LAT: variants seen among roughly 807,000 people sequenced by gnomAD.
LAT encodes the protein linker for activation of T-cells family member 1.
Under a neutral mutation model 39.1 loss-of-function variants are expected in LAT, and 12 were observed. The ratio of observed to expected loss-of-function variants is 0.31; its 90% CI spans 0.20 to 0.50. The LOEUF (loss-of-function observed/expected upper bound fraction) is 0.50. LAT is among the 20% of genes least tolerant of loss of function. The pLI is 0.98. For synonymous variants in LAT, 117 were observed against 123.8 expected (o/e 0.95, Z 0.36); for missense variants, 253 against 308.0 (o/e 0.82, Z 1.34).
intron 8 of LAT, 71 bp from the exon 9 acceptor site, chr16:28,989,455 TG>T (rs1965824849): frequency 7.2e-6 from 10 of 1,397,488 alleles, no homozygotes; most frequent in Non-Finnish European, 9.9e-6. Context: ...TGGCTGAGGT[TG>T]GGGGTTCTCT....
In LAT at chr16:28,985,093, A is replaced by G. The variant is rs1965711474; in HGVS notation, c.-325A>G. 1 of 1,427,434 alleles carries G rather than the reference A, an allele frequency of 7.0e-7. No homozygotes were observed. The highest frequency in any genetic ancestry group is 9.1e-7 in the Non-Finnish European group (1 of 1,095,982). The allele number at this position is 1,427,434 out of a possible 1,614,324, so 88.4% of individuals were successfully genotyped here. A position where few individuals can be genotyped will look rare whatever the true frequency, so the allele number is the denominator to read the frequency against. On this transcript the variant is annotated 5_prime_UTR_variant, in exon 1 of 12. Transcript: ENST00000395456. The surrounding 1 kb of genome is among the most constrained non-coding windows in gnomAD (Gnocchi z 4.6). ...GGCGGGCGGGAGGGCGGGCACGGAGAGGCGGGCGCCGAGGAGGGGCAGGTA... is the reference window on the plus strand; with the variant it reads ...GGCGGGCGGGAGGGCGGGCACGGAGGGGCGGGCGCCGAGGAGGGGCAGGTA...
chr16:28,985,322 C>T lies in LAT; in HGVS notation c.-96C>T. 1 of 1,557,636 alleles carries T rather than the reference C, an allele frequency of 6.4e-7. No homozygotes were observed. Among genetic ancestry groups the T allele is most frequent in the African/African-American group, 1.4e-5 (1 of 73,876 alleles). ...CTGGTGCCTACCTGCCCCCTGCTCC[C>T]TGCCGGGTCCGGTCCTCACCCCATC... On this transcript the variant is annotated 5_prime_UTR_variant, in exon 1 of 12. Transcript: ENST00000395456. This position sits in a 1 kb window ranked among gnomAD's most constrained non-coding sequence, Gnocchi z 4.6.
intron 8 of LAT, chr16:28,987,670 T>C (rs1323083901): frequency 6.6e-6 from 1 of 152,418 alleles, no homozygotes; most frequent in Non-Finnish European, 1.5e-5. Flanking sequence ...TGCTCTCTCC[T>C]GAGCTCCAGA....
In LAT at chr16:28,986,569, G is replaced by C; in HGVS notation, c.340G>C (p.Glu114Gln). The C allele has an allele frequency of 6.2e-7, 1 of 1,613,194 alleles. No homozygotes were observed. Among genetic ancestry groups the C allele is most frequent in the Non-Finnish European group, 8.5e-7 (1 of 1,179,388 alleles). The change falls in exon 6 of 12, where the codon GAA (glutamate) becomes CAA (glutamine). Residue 114 changes from glutamate (E) to glutamine (Q), a missense_variant and splice_region_variant. Physicochemically the swap from Glu to Gln is conservative, Grantham distance 29 (BLOSUM62 2). Transcript: ENST00000395456. The surrounding 1 kb of genome is among the most constrained non-coding windows in gnomAD (Gnocchi z 5.7). The stretch of plus-strand genomic sequence containing the variant: ...CAGTGTGGCGAGCTACGAGAACGAG[G>C]GTGCGTCTGGGATCCGAGGTGCCCA... ...ANSVASYENEEPACEDADEDE... is the reference protein window; with the variant it reads ...ANSVASYENEQPACEDADEDE...
chr16:28,984,978 C>T (rs1031169623), upstream of LAT: 51 of 1,451,848 alleles, frequency 3.5e-5, no homozygotes, highest in African/African-American at 5.4e-4. Context: ...TCCCCACTGG[C>T]GGGTGGGGTG....
rs185073400 is a variant in LAT, at chr16:28,990,233, G to T, written c.*52G>T. On this transcript the variant is annotated 3_prime_UTR_variant, in exon 12 of 12. Transcript: ENST00000395456. ...GGAACCAGGCTTGCCTGGGACGGCT[G>T]AGCTGGGCAGCTGGAAGTGGCTCTG... The T allele has an allele frequency of 4.3e-6, 3 of 695,306 alleles. No homozygotes were observed. The highest frequency in any genetic ancestry group is 7.9e-6 in the Non-Finnish European group (3 of 381,412). 43.1% of individuals were successfully genotyped at this position (695,306 alleles called of 1,614,324 possible). A position where few individuals can be genotyped will look rare whatever the true frequency, so the allele number is the denominator to read the frequency against.
Position 28,990,353 on chromosome 16 carries a change from C to T in LAT, c.*172C>T, listed in dbSNP as rs1965844020. 1 of 508,328 alleles carries T rather than the reference C, an allele frequency of 2.0e-6. No homozygotes were observed. The allele number at this position is 508,328 out of a possible 1,614,324, so 31.5% of individuals were successfully genotyped here. On this transcript the variant is annotated 3_prime_UTR_variant, in exon 12 of 12. Transcript: ENST00000395456. The stretch of plus-strand genomic sequence containing the variant: ...TATCACTTTGGGGTTCGGCCTGTGT[C>T]CCCCGAACGCTCTGCACCTTCTGAC...
upstream of LAT, chr16:28,984,932 G>C (rs1249746575): frequency 4.6e-6 from 7 of 1,534,174 alleles, no homozygotes; most frequent in Non-Finnish European, 6.1e-6. Context: ...CCCTTGGTGA[G>C]TGCCTGGGGT....
chr16:28,984,920 G>T, upstream of LAT: 1 of 1,544,966 alleles, frequency 6.5e-7, no homozygotes. Context: ...GGGGCCAGCA[G>T]ACCCTTGGTG....
At position 28,989,502 on chromosome 16, in the gene LAT, C is replaced by T. The variant is rs148603133; in HGVS notation, c.494-25C>T. The stretch of plus-strand genomic sequence containing the variant: ...GGCCAAGGGTCTCTGGTCACAGTGC[C>T]GAGGTGGGCCTGGCTTTTCCACAGT... On this transcript the variant is annotated intron_variant, in intron 8 of 11. Transcript: ENST00000395456. 5.1e-5 allele frequency: 81 copies of T among 1,586,852 alleles called. No homozygotes were observed. The East Asian group carries it at 9.4e-4, about 18-fold the overall frequency.
chr16:28,989,110 G>GAGC, intron 8 of LAT: 1 of 170,350 alleles, frequency 5.9e-6, no homozygotes, highest in Non-Finnish European at 1.2e-5. Context: ...CAGGGGGCAG[G>GAGC]TGGGGATGGG....
upstream of LAT, chr16:28,984,940 G>T: frequency 6.5e-7 from 1 of 1,529,246 alleles, no homozygotes; most frequent in Non-Finnish European, 8.8e-7. Context: ...GAGTGCCTGG[G>T]GTGGCTCCCG....
chr16:28,990,471 T>C lies in LAT; in HGVS notation c.*290T>C, dbSNP rs1461368716. The C allele has an allele frequency of 1.5e-5, 5 of 328,150 alleles. No homozygotes were observed. The highest frequency in any genetic ancestry group is 2.4e-5 in the Non-Finnish European group (4 of 166,188). 20.3% of individuals were successfully genotyped at this position (328,150 alleles called of 1,614,324 possible). A position where few individuals can be genotyped will look rare whatever the true frequency, so the allele number is the denominator to read the frequency against. The stretch of plus-strand genomic sequence containing the variant: ...TCTGTGTTGAGCGTGCGTCTGTGTG[T>C]GCCTGTGTGCGAGTCTGAGTCAGAG... On this transcript the variant is annotated 3_prime_UTR_variant, in exon 12 of 12. Coordinates refer to ENST00000395456, the MANE Select transcript of LAT (RefSeq NM_001014987.2).
Position 28,986,329 on chromosome 16 carries a change from C to A in LAT, c.246-53C>A, listed in dbSNP as rs1965750415. 3 of 1,600,168 alleles carry A rather than the reference C, an allele frequency of 1.9e-6. No individual in the cohort carries two copies. In the East Asian group the frequency reaches 6.7e-5, roughly 36 times the overall value. On this transcript the variant is annotated intron_variant, in intron 4 of 11. Coordinates refer to ENST00000395456, the MANE Select transcript of LAT (RefSeq NM_001014987.2). This position sits in a 1 kb window ranked among gnomAD's most constrained non-coding sequence, Gnocchi z 5.7. Reference sequence around the variant, plus strand: ...GGGGCCCCTTTCCCTTTTGCAACTGCTGTTGCCCCCTGAGCCCCACCTCAG... The same window carrying A: ...GGGGCCCCTTTCCCTTTTGCAACTGATGTTGCCCCCTGAGCCCCACCTCAG...
rs749822295 is a variant in LAT, at chr16:28,986,724, C to CAGGTGGG, written c.398+23_398+29dup. 3 of 1,611,596 alleles carry CAGGTGGG rather than the reference C, an allele frequency of 1.9e-6. No individual in the cohort carries two copies. Among genetic ancestry groups the CAGGTGGG allele is most frequent in the African/African-American group, 1.3e-5 (1 of 74,866 alleles). Reference sequence around the variant, plus strand: ...ACAACCCAGGCTACCTGTGAGTGGCCAGGTGGGAGGTGGGAGGTGAGGGCT... The same window carrying CAGGTGGG: ...ACAACCCAGGCTACCTGTGAGTGGCCAGGTGGGAGGTGGGAGGTGGGAGGTGAGGGCT... On this transcript the variant is annotated intron_variant, in intron 7 of 11. Coordinates refer to ENST00000395456, the MANE Select transcript of LAT (RefSeq NM_001014987.2). The surrounding 1 kb of genome is among the most constrained non-coding windows in gnomAD (Gnocchi z 5.7).
At chr16:28,984,883 T>C, upstream of LAT, 2 of 1,549,590 alleles carry the variant, frequency 1.3e-6, no homozygotes, top group Non-Finnish European at 8.7e-7. Flanking sequence ...GGCTGCCAGC[T>C]GGCAGGTGGC....
chr16:28,989,474 T>C (rs1280735025), intron 8 of LAT, 53 bp from the exon 9 acceptor site: 5 of 1,510,022 alleles, frequency 3.3e-6, no homozygotes, highest in Non-Finnish European at 3.6e-6. Context: ...TCTGGGAACC[T>C]GTGGCCAAGG....
intron 8 of LAT, chr16:28,988,007 A>T (rs764233197): frequency 6.6e-6 from 1 of 151,672 alleles, no homozygotes; most frequent in Non-Finnish European, 1.5e-5. Flanking sequence ...TGGGCGGATC[A>T]TCTGAACCCC....
intron 8 of LAT, chr16:28,988,128 C>T (rs1245162823): frequency 1.3e-5 from 2 of 152,166 alleles, no homozygotes; most frequent in Non-Finnish European, 2.9e-5. Context: ...CTAAGATTCA[C>T]CGAGGGCCTC....
Sources: allele counts gnomAD v4.1 joint callset, GRCh38; gene constraint gnomAD v4.1.1; non-coding constraint Gnocchi (gnomAD v3.1); transcripts MANE v1.5; gene names NCBI Gene and HGNC (gene_info 2026-07-23, HGNC 2026-07-21).